PODXL: variants seen among roughly 807,000 people sequenced by gnomAD.
PODXL encodes podocalyxin.
A neutral mutation model predicts 48.9 loss-of-function variants in PODXL; 20 were observed. The ratio of observed to expected loss-of-function variants is 0.41; its 90% CI spans 0.29 to 0.59. PODXL has a LOEUF of 0.59. Ranked by LOEUF, PODXL falls within the 20% of genes least tolerant of loss-of-function variation. The pLI is 0.31. For missense variants in PODXL, 606 were observed against 675.1 expected (o/e 0.90, Z 1.13); for synonymous variants, 295 against 287.4 (o/e 1.03, Z -0.27).
chr7:131,551,513 G>C (rs921724109), intron 1 of PODXL, among the ~76,000 whole-genome samples: 4 of 152,188 alleles, frequency 2.6e-5, no homozygotes, highest in African/African-American at 4.8e-5. Flanking sequence ...CTTGCATTCA[G>C]CAGCCCTGAA....
intron 1 of PODXL, among the ~76,000 whole-genome samples, chr7:131,519,864 A>G (rs1412111146): frequency 6.6e-6 from 1 of 152,082 alleles, no homozygotes; most frequent in Non-Finnish European, 1.5e-5. Flanking sequence ...CTGGGACTAC[A>G]GGCATGTACC....
rs773651581 is a variant in PODXL at position 131,506,542 on chromosome 7, GCAGGCCCCAGCC to G, written c.1249+25_1249+36del. On this transcript the variant is annotated intron_variant, in intron 6 of 8. Coordinates refer to ENST00000378555, the MANE Select transcript of PODXL (RefSeq NM_001018111.3). ...CTGCATGCCCCCCATTCCCACCCAT[GCAGGCCCCAGCC>G]CAGGCCCCCTTGCCCTCCACTCACT... The G allele has an allele frequency of 2.1e-4, 342 of 1,605,090 alleles. 1 individual carries two copies. In the South Asian group the frequency reaches 3.4e-3, roughly 16 times the overall value.
rs1286379885 is a variant in PODXL at position 131,504,433 on chromosome 7, A to G, written c.1555T>C (p.Ser519Pro). The G allele has an allele frequency of 1.2e-6, 2 of 1,613,962 alleles. No homozygotes were observed. The highest frequency in any genetic ancestry group is 1.7e-6 in the Non-Finnish European group (2 of 1,179,944). The change falls in exon 9 of 9, where the codon TCT becomes CCT. Residue 519 changes from serine to proline, a missense_variant. Ser to Pro is a moderately conservative substitution (Grantham distance 74). Transcript: ENST00000378555. ...DNPTLEVMET[S>P]SEMQEKKVVS... ...ACCTTCTTCTCCTGCATCTCAGAAGAGGTCTCCATCACTTCCAGTGTTGGG... is the reference window on the plus strand; with the variant it reads ...ACCTTCTTCTCCTGCATCTCAGAAGGGGTCTCCATCACTTCCAGTGTTGGG...
In PODXL at chr7:131,511,125, A is replaced by C. The variant is rs964371712; in HGVS notation, c.409T>G (p.Ser137Ala). ...GTGTTAGGTTTAGCTGTGGCTGTGG[A>C]GGTTGCAACTGTAGTGGTGTCTGCA... is the stretch of plus-strand genomic sequence containing the variant. Reference protein sequence around the residue: ...KSADTTTVATSTATAKPNTTS... With the variant: ...KSADTTTVATATATAKPNTTS... The change falls in exon 2 of 9, where the codon TCC (serine) becomes GCC (alanine). Residue 137 changes from serine (S) to alanine (A), a missense_variant. Physicochemically the swap from Ser to Ala is moderately conservative, Grantham distance 99. Coordinates refer to ENST00000378555, the MANE Select transcript of PODXL (RefSeq NM_001018111.3). The C allele has an allele frequency of 6.2e-7, 1 of 1,611,138 alleles. No homozygotes were observed. Among genetic ancestry groups the C allele is most frequent in the Non-Finnish European group, 8.5e-7 (1 of 1,179,460 alleles).
At chr7:131,507,610 TC>T (rs1350614759) in intron 5 of PODXL, among the ~76,000 whole-genome samples, 1 of 151,504 alleles carries the variant, frequency 6.6e-6, no homozygotes, top group Non-Finnish European at 1.5e-5. Flanking sequence ...GCTTAGTAAT[TC>T]CCCACCCTGA....
rs145456528 is a variant in PODXL at position 131,524,306 on chromosome 7, T to C, written c.101-12873A>G. On this transcript the variant is annotated intron_variant, in intron 1 of 8. Transcript: ENST00000378555. ...CAAGGATGTCCTCTCTTTCCACTCC[T>C]ATTGAACACTGTACTGTGAGTCCTA... is the stretch of plus-strand genomic sequence containing the variant. Among the ~76,000 whole-genome samples the C allele has an allele frequency of 4.0e-5, 6 of 151,410 alleles. No homozygotes were observed. The East Asian group carries it at 9.7e-4, about 25-fold the overall frequency.
intron 1 of PODXL, among the ~76,000 whole-genome samples, chr7:131,521,846 A>C (rs1798097328): frequency 6.6e-6 from 1 of 152,110 alleles, no homozygotes; most frequent in Non-Finnish European, 1.5e-5. Flanking sequence ...GAAACTCCAT[A>C]CCCACCACAT....
intron 1 of PODXL, among the ~76,000 whole-genome samples, chr7:131,543,069 C>T (rs1036365243): frequency 2.0e-5 from 3 of 152,116 alleles, no homozygotes; most frequent in African/African-American, 7.2e-5. Context: ...TTTTTGTCAT[C>T]AGTTCAGCCA....
intron 5 of PODXL, among the ~76,000 whole-genome samples, chr7:131,507,434 G>A (rs190257024): frequency 8.6e-4 from 131 of 152,264 alleles, no homozygotes; most frequent in South Asian, 1.7e-3. Flanking sequence ...GAGAAGTGTG[G>A]GCAGCATGTA....
At chr7:131,533,700 C>A (rs903924053) in intron 1 of PODXL, among the ~76,000 whole-genome samples, 2 of 152,158 alleles carry the variant, frequency 1.3e-5, no homozygotes, top group African/African-American at 4.8e-5. Flanking sequence ...GGGCACAGCA[C>A]CCAAGGATAC....
At chr7:131,504,589 A>G in intron 8 of PODXL, 81 bp from the exon 9 acceptor site, 1 of 1,153,234 alleles carries the variant, frequency 8.7e-7, no homozygotes, top group Non-Finnish European at 1.3e-6. Flanking sequence ...TACCCCTCCC[A>G]CTCAGGAGCC....
chr7:131,533,070 G>A (rs562355416), intron 1 of PODXL, among the ~76,000 whole-genome samples: 2 of 152,324 alleles, frequency 1.3e-5, no homozygotes, highest in Admixed American at 6.5e-5. Flanking sequence ...GATTAATAAC[G>A]AGAACAGAGA....
chr7:131,515,910 C>T (rs535905321), intron 1 of PODXL, among the ~76,000 whole-genome samples: 1 of 152,308 alleles, frequency 6.6e-6, no homozygotes, highest in South Asian at 2.1e-4. Context: ...CCTATAACAA[C>T]AGTCAGATTC....
At chr7:131,533,692 G>A (rs1246957324) in intron 1 of PODXL, among the ~76,000 whole-genome samples, 2 of 152,136 alleles carry the variant, frequency 1.3e-5, no homozygotes, top group African/African-American at 2.4e-5. Context: ...TGGGAGCAGG[G>A]CACAGCACCC....
intron 1 of PODXL, among the ~76,000 whole-genome samples, chr7:131,523,610 C>T (rs528499399): frequency 1.2e-4 from 15 of 122,760 alleles, no homozygotes; most frequent in East Asian, 8.3e-4. Context: ...TGAACCCAGG[C>T]GGAGCTTGCA....
Position 131,504,344 on chromosome 7 carries a change from G to C in PODXL, c.1644C>G (p.Asp548Glu). The change falls in exon 9 of 9, where the codon GAC becomes GAG. Residue 548 changes from aspartate (D) to glutamate (E), a missense_variant. Asp to Glu is a conservative substitution (Grantham distance 45). Coordinates refer to ENST00000378555, the MANE Select transcript of PODXL (RefSeq NM_001018111.3). ...GTGTGTCTTCCTCCTCATCCAGGTC[G>C]TCCTTGGTCAGGTTGTCCAGAGGGA... is the stretch of plus-strand genomic sequence containing the variant. ...WIVPLDNLTK[D>E]DLDEEEDTHL 1 of 1,614,180 alleles carries C rather than the reference G, an allele frequency of 6.2e-7. No individual in the cohort carries two copies. Among genetic ancestry groups the C allele is most frequent in the Non-Finnish European group, 8.5e-7 (1 of 1,180,014 alleles).
At chr7:131,516,650 G>C (rs1329560558) in intron 1 of PODXL, among the ~76,000 whole-genome samples, 1 of 151,754 alleles carries the variant, frequency 6.6e-6, no homozygotes, top group African/African-American at 2.4e-5. Flanking sequence ...CATGACTTCT[G>C]AGATTCACAT....
At chr7:131,507,006 AG>A in intron 5 of PODXL, 1 of 393,082 alleles carries the variant, frequency 2.5e-6, no homozygotes, top group South Asian at 4.0e-5. Flanking sequence ...CTTTCACCCT[AG>A]TGCCTCTTTT....
At chr7:131,548,644 A>G (rs1156484710) in intron 1 of PODXL, among the ~76,000 whole-genome samples, 3 of 152,224 alleles carry the variant, frequency 2.0e-5, no homozygotes, top group Non-Finnish European at 4.4e-5. Flanking sequence ...TGAGAGAGAT[A>G]TAACTGATGC....
Sources: gnomAD v4.1 joint callset for allele counts (sites outside exome capture counted in the v4.1 genomes callset) on GRCh38, gnomAD v4.1.1 for gene constraint, MANE v1.5 for transcripts, NCBI Gene and HGNC (gene_info 2026-07-23, HGNC 2026-07-21) for gene names.